IGFL2: variants seen among roughly 807,000 people sequenced by gnomAD.
The protein encoded by IGFL2 is IGF like family member 2, also known as insulin growth factor-like family member 2.
IGFL2 carries 7 observed loss-of-function variants against 13.9 expected under a neutral mutation model. That is an observed-to-expected ratio of 0.51 (90% confidence interval 0.29 to 0.95). The LOEUF is 0.95. Ranked by LOEUF, IGFL2 falls within the 40% of genes least tolerant of loss-of-function variation. The pLI, the probability that IGFL2 is intolerant of heterozygous loss-of-function variation, is 0.08. For synonymous variants in IGFL2, 55 were observed against 55.8 expected, an observed-to-expected ratio of 0.99 and a Z score of 0.07; for missense variants, 138 against 147.8, an observed-to-expected ratio of 0.93 and a Z score of 0.34.
upstream of IGFL2, among the ~76,000 whole-genome samples, chr19:46,142,639 C>T (rs942390461): frequency 3.9e-5 from 6 of 152,206 alleles, no homozygotes; most frequent in African/African-American, 1.2e-4. Context: ...TAGTAGGCAG[C>T]ACGACTGGTG....
At chr19:46,143,735 T>C (rs1031464256), upstream of IGFL2, among the ~76,000 whole-genome samples, 8 of 152,228 alleles carry the variant, frequency 5.3e-5, no homozygotes, top group Non-Finnish European at 1.2e-4. Context: ...CCAGGCACTA[T>C]AGATATTGTC....
At chr19:46,180,180 CT>C in the IGFL2 span, among the ~76,000 whole-genome samples, 776 of 141,176 alleles carry the variant, frequency 5.5e-3, 4 homozygotes, top group African/African-American at 0.019. Context: ...TGATATTTTT[CT>C]TTTTTTTTTT....
At chr19:46,176,342 G>A in the IGFL2 span, among the ~76,000 whole-genome samples, 1 of 152,132 alleles carries the variant, frequency 6.6e-6, no homozygotes, top group Non-Finnish European at 1.5e-5. Flanking sequence ...GACCAGGCAA[G>A]AGACAGGAAA....
chr19:46,152,306 T>G (rs902143154), intron 1 of IGFL2, among the ~76,000 whole-genome samples: 3 of 150,802 alleles, frequency 2.0e-5, no homozygotes, highest in African/African-American at 7.3e-5. Context: ...AGACAGAATC[T>G]CACTCTATCA....
chr19:46,159,621 A>G (rs754498788), intron 1 of IGFL2: 1 of 152,260 alleles, frequency 6.6e-6, no homozygotes, highest in Non-Finnish European at 1.5e-5. Context: ...ACATGCTTTC[A>G]ACCATGGAAT....
At chr19:46,108,633 G>T in the IGFL2 span, among the ~76,000 whole-genome samples, 1 of 152,020 alleles carries the variant, frequency 6.6e-6, no homozygotes, top group Non-Finnish European at 1.5e-5. Context: ...TGCCACCCAG[G>T]GGAGGTGGTG....
At chr19:46,149,179 TC>T (rs1973319431) in intron 1 of IGFL2, 1 of 191,612 alleles carries the variant, frequency 5.2e-6, no homozygotes, top group Non-Finnish European at 1.4e-5. Flanking sequence ...CTCTCTCTTC[TC>T]TCTCTCTTTC....
chr19:46,127,883 C>T, the IGFL2 span, among the ~76,000 whole-genome samples: 2 of 152,014 alleles, frequency 1.3e-5, no homozygotes, highest in Non-Finnish European at 1.5e-5. Context: ...GTTGGTGAAG[C>T]GACACCCCAA....
At chr19:46,176,368 A>T in the IGFL2 span, among the ~76,000 whole-genome samples, 168 of 152,280 alleles carry the variant, frequency 1.1e-3, 1 homozygote, top group African/African-American at 4.0e-3. Flanking sequence ...GAAGTAAGTA[A>T]CAAGAGGGTT....
the IGFL2 span, chr19:46,213,310 T>G: frequency 6.6e-6 from 1 of 152,346 alleles, no homozygotes; most frequent in Non-Finnish European, 1.5e-5. Context: ...ATACCCTGCC[T>G]GGCTCCTTTA....
chr19:46,101,999 G>A, the IGFL2 span, among the ~76,000 whole-genome samples: 1 of 152,246 alleles, frequency 6.6e-6, no homozygotes, highest in Admixed American at 6.5e-5. Context: ...GGCATAGCCT[G>A]GACCCAGGTG....
chr19:46,085,333 T>G, the IGFL2 span, among the ~76,000 whole-genome samples: 1 of 152,248 alleles, frequency 6.6e-6, no homozygotes, highest in Non-Finnish European at 1.5e-5. Flanking sequence ...TGGGTGCATG[T>G]GTATTTCATA....
upstream of IGFL2, among the ~76,000 whole-genome samples, chr19:46,140,338 A>G (rs7250534): frequency 0.63 from 96,063 of 151,884 alleles, 31,282 homozygotes; most frequent in African/African-American, 0.71. Flanking sequence ...ATCATATGTT[A>G]GGTCATAAAG....
At chr19:46,088,471 CAT>C in the IGFL2 span, among the ~76,000 whole-genome samples, 5 of 152,200 alleles carry the variant, frequency 3.3e-5, no homozygotes, top group Admixed American at 2.0e-4. Context: ...TCAATTGTAA[CAT>C]ATATATTTAC....
the IGFL2 span, among the ~76,000 whole-genome samples, chr19:46,080,124 A>G: frequency 6.6e-6 from 1 of 152,236 alleles, no homozygotes; most frequent in African/African-American, 2.4e-5. Context: ...TCACTTTTAC[A>G]TACTTAAAGC....
chr19:46,125,287 T>A, the IGFL2 span, among the ~76,000 whole-genome samples: 3 of 152,178 alleles, frequency 2.0e-5, no homozygotes, highest in Non-Finnish European at 4.4e-5. Context: ...GGTGTGAGGA[T>A]TCAGAGACCT....
At chr19:46,214,452 C>G in the IGFL2 span, 1 of 152,246 alleles carries the variant, frequency 6.6e-6, no homozygotes, top group African/African-American at 2.4e-5. Flanking sequence ...CAGACGGCCA[C>G]CAGAGGGAAT....
chr19:46,213,380 T>A, the IGFL2 span: 1 of 152,670 alleles, frequency 6.6e-6, no homozygotes. Flanking sequence ...CATCACCAGC[T>A]CCTCTAGGAA....
At chr19:46,169,278 A>G in the IGFL2 span, among the ~76,000 whole-genome samples, 2,199 of 152,340 alleles carry the variant, frequency 0.014, 58 homozygotes, top group African/African-American at 0.049. Context: ...CCAATCCAAT[A>G]TAAATTGAAT....
Sources: allele counts gnomAD v4.1 joint callset (sites outside exome capture counted in the v4.1 genomes callset), GRCh38; gene constraint gnomAD v4.1.1; transcripts MANE v1.5; gene names NCBI Gene and HGNC (gene_info 2026-07-23, HGNC 2026-07-21).